C12orf42: variants seen among roughly 807,000 people sequenced by gnomAD.
C12orf42 encodes chromosome 12 open reading frame 42.
Under a neutral mutation model 21.6 loss-of-function variants are expected in C12orf42, and 25 were observed. The ratio of observed to expected loss-of-function variants is 1.16; its 90% confidence interval spans 0.84 to 1.62. The LOEUF is 1.62. C12orf42 is among the 40% of genes most tolerant of loss of function. C12orf42 has a pLI of 0.00. For synonymous variants in C12orf42, 174 were observed against 175.0 expected (o/e 0.99, Z 0.05); for missense variants, 483 against 459.3 (o/e 1.05, Z -0.47).
At chr12:103,490,569 G>A (rs868141021) in intron 1 of C12orf42, among the ~76,000 whole-genome samples, 10 of 151,742 alleles carry the variant, frequency 6.6e-5, no homozygotes, top group South Asian at 2.1e-4. Flanking sequence ...CCTTTTCAAC[G>A]ACTATGCCAC....
At chr12:103,080,052 G>T in the C12orf42 span, among the ~76,000 whole-genome samples, 1 of 152,144 alleles carries the variant, frequency 6.6e-6, no homozygotes, top group Non-Finnish European at 1.5e-5. Flanking sequence ...ACACCAAGTA[G>T]TTTGTCTTCC....
chr12:103,242,799 A>G (rs1397549907), intron 10 of C12orf42, among the ~76,000 whole-genome samples: 1 of 152,186 alleles, frequency 6.6e-6, no homozygotes, highest in African/African-American at 2.4e-5. Context: ...ATGCAAAAAC[A>G]TATTTTTAGT....
At chr12:103,279,325 A>G (rs1278257742) in intron 4 of C12orf42, among the ~76,000 whole-genome samples, 2 of 152,204 alleles carry the variant, frequency 1.3e-5, no homozygotes, top group Admixed American at 1.3e-4. Flanking sequence ...AGATGTATGC[A>G]TGTATTCAAA....
At chr12:103,330,364 G>A (rs1412956513) in intron 4 of C12orf42, among the ~76,000 whole-genome samples, 1 of 152,132 alleles carries the variant, frequency 6.6e-6, no homozygotes, top group Admixed American at 6.5e-5. Context: ...TTAAGAATGA[G>A]GAGGGAGTTC....
At chr12:103,370,421 C>T (rs1468457487) in intron 3 of C12orf42, among the ~76,000 whole-genome samples, 3 of 152,084 alleles carry the variant, frequency 2.0e-5, no homozygotes, top group Non-Finnish European at 4.4e-5. Context: ...CATAAAGATA[C>T]ATGCACATGT....
At chr12:103,258,298 A>G (rs766780985) in intron 10 of C12orf42, among the ~76,000 whole-genome samples, 3 of 152,136 alleles carry the variant, frequency 2.0e-5, no homozygotes, top group Non-Finnish European at 4.4e-5. Flanking sequence ...TGCTGTGATC[A>G]TATAGATATC....
rs369075296 is a variant in C12orf42 at position 103,302,551 on chromosome 12, C to A, written c.640G>T (p.Ala214Ser). 3 of 1,605,186 alleles carry A rather than the reference C, an allele frequency of 1.9e-6. No homozygotes were observed. Among genetic ancestry groups the A allele is most frequent in the African/African-American group, 1.3e-5 (1 of 74,542 alleles). The change falls in exon 6 of 6, where the codon GCC becomes TCC. Residue 214 changes from alanine (A) to serine (S), a missense_variant. Physicochemically the swap from Ala to Ser is moderately conservative, Grantham distance 99. Transcript: ENST00000548883. ...AGGCCGATGGCAGTGGAAGGTCTGG[C>A]GGCAGAACCTGGAAGGCAAAGCAGG... ...SSPKKNSGSA[A>S]RPSTAIGLCR... is the part of the protein sequence containing the mutation.
At chr12:103,057,654 A>G in the C12orf42 span, among the ~76,000 whole-genome samples, 35 of 152,242 alleles carry the variant, frequency 2.3e-4, no homozygotes, top group South Asian at 5.2e-3. Flanking sequence ...TAGTGCTGCA[A>G]TAAACATACA....
intron 3 of C12orf42, among the ~76,000 whole-genome samples, chr12:103,380,410 AT>A (rs1283475685): frequency 1.3e-5 from 2 of 152,252 alleles, no homozygotes; most frequent in East Asian, 3.9e-4. Context: ...AAAATCTGAA[AT>A]TTGAAAAGCA....
the C12orf42 span, among the ~76,000 whole-genome samples, chr12:103,061,646 A>C: frequency 6.6e-6 from 1 of 151,722 alleles, no homozygotes; most frequent in African/African-American, 2.4e-5. Context: ...ATCTTTAATA[A>C]TTTTTTTGTT....
intron 1 of C12orf42, among the ~76,000 whole-genome samples, chr12:103,488,117 T>A (rs745848518): frequency 6.6e-6 from 1 of 152,232 alleles, no homozygotes; most frequent in Non-Finnish European, 1.5e-5. Context: ...CCATGTATAG[T>A]GCTTCTTTCA....
chr12:103,427,295 G>GAAAAAAAAAAAAAAAAA (rs71097975), intron 2 of C12orf42, among the ~76,000 whole-genome samples: 2 of 120,618 alleles, frequency 1.7e-5, no homozygotes, highest in African/African-American at 3.3e-5. Flanking sequence ...AAAAAAAAAA[G>GAAAAAAAAAAAAAAAAA]AAAAAAAAAA....
At chr12:103,200,836 G>A in the C12orf42 span, among the ~76,000 whole-genome samples, 73 of 152,230 alleles carry the variant, frequency 4.8e-4, no homozygotes, top group African/African-American at 1.6e-3. Flanking sequence ...ATTATAATTA[G>A]GCTCAAACAC....
intron 4 of C12orf42, among the ~76,000 whole-genome samples, chr12:103,364,495 CA>C (rs1474868958): frequency 6.6e-6 from 1 of 151,728 alleles, no homozygotes; most frequent in Non-Finnish European, 1.5e-5. Context: ...AAAATCAAAA[CA>C]GAACTAAATG....
At chr12:103,109,329 G>A in the C12orf42 span, among the ~76,000 whole-genome samples, 13 of 152,028 alleles carry the variant, frequency 8.6e-5, no homozygotes, top group African/African-American at 3.1e-4. Context: ...GTGTGTGTGT[G>A]AACCCATTTA....
chr12:103,061,077 G>C, the C12orf42 span, among the ~76,000 whole-genome samples: 1 of 152,166 alleles, frequency 6.6e-6, no homozygotes, highest in African/African-American at 2.4e-5. Context: ...GTTAATGCTT[G>C]AGGGGGATGC....
intron 4 of C12orf42, among the ~76,000 whole-genome samples, chr12:103,295,212 A>G (rs1169909515): frequency 6.6e-6 from 1 of 152,150 alleles, no homozygotes; most frequent in Non-Finnish European, 1.5e-5. Flanking sequence ...TGTGACTACA[A>G]ATCCTCAACA....
chr12:103,418,023 A>G (rs1453687232), intron 2 of C12orf42, among the ~76,000 whole-genome samples: 1 of 152,216 alleles, frequency 6.6e-6, no homozygotes, highest in Non-Finnish European at 1.5e-5. Context: ...TTTAAAAGAT[A>G]ACTTTGCTAT....
the C12orf42 span, among the ~76,000 whole-genome samples, chr12:103,540,302 G>A: frequency 4.4e-3 from 664 of 152,234 alleles, 6 homozygotes; most frequent in African/African-American, 0.01. Context: ...TACCGCGCCC[G>A]GCCGAGGTCA....
Sources: allele counts gnomAD v4.1 joint callset (sites outside exome capture counted in the v4.1 genomes callset), GRCh38; gene constraint gnomAD v4.1.1; transcripts MANE v1.5; gene names NCBI Gene and HGNC (gene_info 2026-07-23, HGNC 2026-07-21).